Variants in UGGT2 observed in about 807,000 individuals in gnomAD.
The protein encoded by UGGT2 is UDP-glucose glycoprotein glucosyltransferase 2.
In UGGT2, 180 loss-of-function variants were observed where a neutral mutation model predicts 192.1. The observed-to-expected ratio is 0.94, with a 90% CI of 0.83 to 1.06. The LOEUF (loss-of-function observed/expected upper bound fraction) is 1.06, where lower values mean the gene tolerates loss of function less well. UGGT2 is among the 50% of genes least tolerant of loss of function. UGGT2 has a pLI of 0.00. For synonymous variants in UGGT2, 580 were observed against 591.0 expected (o/e 0.98, Z 0.27); for missense variants, 1,849 against 1,795.7 (o/e 1.03, Z -0.54).
intron 13 of UGGT2, 45 bp downstream of exon 13, chr13:95,949,290 A>C (rs772776554): frequency 1.4e-6 from 2 of 1,396,738 alleles, no homozygotes; most frequent in Non-Finnish European, 1.9e-6. Flanking sequence ...AAGAATGCTG[A>C]TATCTTTATA....
intron 26 of UGGT2, 23 bp from the exon 27 acceptor site, chr13:95,884,703 CATA>C (rs2140199616): frequency 1.3e-6 from 2 of 1,567,218 alleles, no homozygotes; most frequent in South Asian, 1.2e-5. Context: ...CATAAAAATA[CATA>C]ATGTGACCAA....
At chr13:95,828,423 G>C (rs1365656164) in intron 38 of UGGT2, among the ~76,000 whole-genome samples, 2 of 152,030 alleles carry the variant, frequency 1.3e-5, no homozygotes, top group African/African-American at 4.8e-5. Context: ...CAGACCGCTA[G>C]CAAGGCTAAT....
intron 32 of UGGT2, 69 bp downstream of exon 32, chr13:95,860,719 A>T (rs1394899314): frequency 1.3e-5 from 13 of 1,022,468 alleles, no homozygotes; most frequent in Non-Finnish European, 1.6e-5. Flanking sequence ...ATATTCCTTT[A>T]TTTTTTTTTG....
chr13:96,051,130 C>T (rs1482903599), intron 1 of UGGT2, among the ~76,000 whole-genome samples: 3 of 152,182 alleles, frequency 2.0e-5, no homozygotes, highest in African/African-American at 4.8e-5. Flanking sequence ...GGCACATATA[C>T]ACCACGGAAT....
At chr13:95,849,343 T>C (rs778636582) in intron 36 of UGGT2, among the ~76,000 whole-genome samples, 9 of 152,132 alleles carry the variant, frequency 5.9e-5, no homozygotes, top group African/African-American at 9.7e-5. Flanking sequence ...AAGACCATCC[T>C]GGCTAACATG....
intron 1 of UGGT2, among the ~76,000 whole-genome samples, chr13:96,050,300 C>A (rs1229424430): frequency 2.6e-5 from 4 of 152,060 alleles, no homozygotes; most frequent in African/African-American, 7.2e-5. Context: ...AAACTGGATC[C>A]CTTCCTTACA....
chr13:95,811,733 G>A (rs1353759997), intron 38 of UGGT2, among the ~76,000 whole-genome samples: 5 of 151,832 alleles, frequency 3.3e-5, no homozygotes, highest in Non-Finnish European at 4.4e-5. Flanking sequence ...AGAGAAAAGA[G>A]GAAAAAACAG....
intron 30 of UGGT2, among the ~76,000 whole-genome samples, chr13:95,866,421 A>T (rs985462115): frequency 1.3e-5 from 2 of 152,146 alleles, no homozygotes; most frequent in Non-Finnish European, 2.9e-5. Flanking sequence ...ATACTAGAAA[A>T]ATTTGATTTG....
rs371304340 is a variant in UGGT2, at chr13:96,013,472, A to C, written c.495T>G (p.Pro165=). 8.3e-6 allele frequency: 13 copies of C among 1,562,972 alleles called. No homozygotes were observed. The African/African-American group carries it at 1.5e-4, about 18-fold the overall frequency. Residue 165 remains proline, a synonymous_variant, in exon 5 of 39, where the codon CCT becomes CCG. Coordinates refer to ENST00000376747, the MANE Select transcript of UGGT2 (RefSeq NM_020121.4). ...ATTTGTGATCTCCTTTAAATAGATA[A>C]GGTCTAGTCCTAAGATAAAAGCAAA... The part of the protein sequence containing the change: ...LLKKAASRTR[P]YLFKGDHKFP...
At chr13:95,932,311 TTGTGTG>T (rs67135742) in intron 17 of UGGT2, among the ~76,000 whole-genome samples, 1,401 of 139,442 alleles carry the variant, frequency 0.01, 9 homozygotes, top group Admixed American at 0.024. Flanking sequence ...GGTATTTTAT[TTGTGTG>T]TGTGTGTGTG....
chr13:95,983,589 G>A (rs147998216), intron 10 of UGGT2: 7,665 of 626,472 alleles, frequency 0.012, 77 homozygotes, highest in Middle Eastern at 0.028. Flanking sequence ...AGAAATTCTG[G>A]AATATACTGT....
chr13:95,980,767 G>A (rs757161840), intron 10 of UGGT2, among the ~76,000 whole-genome samples: 4 of 152,142 alleles, frequency 2.6e-5, no homozygotes, highest in East Asian at 1.9e-4. Context: ...AGGCCAAGGC[G>A]GGGCAGATTA....
chr13:95,877,910 A>G, intron 27 of UGGT2, 54 bp from the exon 28 acceptor site: 2 of 1,506,352 alleles, frequency 1.3e-6, no homozygotes, highest in South Asian at 2.7e-5. Context: ...CATAATACAA[A>G]ATTTTGAAAT....
chr13:95,911,234 G>T (rs897569280), intron 20 of UGGT2, among the ~76,000 whole-genome samples: 2 of 152,090 alleles, frequency 1.3e-5, no homozygotes, highest in Non-Finnish European at 2.9e-5. Context: ...AAATAACTAA[G>T]ATCAGAGCAG....
At chr13:95,971,288 T>C (rs1338273940) in intron 11 of UGGT2, among the ~76,000 whole-genome samples, 1 of 152,218 alleles carries the variant, frequency 6.6e-6, no homozygotes, top group African/African-American at 2.4e-5. Context: ...GACATTTTAC[T>C]TCCATTTCCT....
intron 2 of UGGT2, among the ~76,000 whole-genome samples, chr13:96,029,816 C>T (rs914256734): frequency 6.6e-6 from 1 of 152,038 alleles, no homozygotes; most frequent in Non-Finnish European, 1.5e-5. Context: ...TTTAAGATTG[C>T]GTCTCCAATA....
At chr13:95,807,018 C>A (rs981615171) in intron 38 of UGGT2, among the ~76,000 whole-genome samples, 2 of 152,126 alleles carry the variant, frequency 1.3e-5, no homozygotes, top group Admixed American at 6.5e-5. Context: ...GGACACTAAA[C>A]CCCTGCACAG....
intron 22 of UGGT2, among the ~76,000 whole-genome samples, chr13:95,896,365 G>A (rs981891672): frequency 6.6e-6 from 1 of 151,802 alleles, no homozygotes. Context: ...TATAAAACAC[G>A]GGCTCTTAAA....
chr13:95,888,568 A>G (rs1052305988), intron 25 of UGGT2, among the ~76,000 whole-genome samples: 1 of 152,162 alleles, frequency 6.6e-6, no homozygotes, highest in Non-Finnish European at 1.5e-5. Context: ...GAAAGGATAC[A>G]GGCTTGATGA....
Sources: allele counts gnomAD v4.1 joint callset (sites outside exome capture counted in the v4.1 genomes callset), GRCh38; gene constraint gnomAD v4.1.1; transcripts MANE v1.5; gene names NCBI Gene and HGNC (gene_info 2026-07-23, HGNC 2026-07-21).